PTPRT: variants seen among roughly 807,000 people sequenced by gnomAD.
PTPRT encodes receptor-type tyrosine-protein phosphatase T.
PTPRT carries 56 observed loss-of-function variants against 176.8 expected under a neutral mutation model. The ratio of observed to expected loss-of-function variants is 0.32; its 90% CI spans 0.26 to 0.40. The LOEUF (loss-of-function observed/expected upper bound fraction) is 0.40. Among genes scored for constraint, PTPRT ranks in the 10% least tolerant of loss-of-function variants. The pLI is 1.00. For synonymous variants in PTPRT, 783 were observed against 739.0 expected (o/e 1.06, Z -0.96); for missense variants, 1,540 against 1,908.2 (o/e 0.81, Z 3.60).
At chr20:42,128,937 C>T (rs780419849) in intron 18 of PTPRT, 107 bp from the exon 19 acceptor site, 32 of 869,004 alleles carry the variant, frequency 3.7e-5, no homozygotes, top group Non-Finnish European at 3.9e-5. Flanking sequence ...AGGCATTGTG[C>T]TACTCTCATT....
At chr20:42,566,732 C>A (rs2073046369) in intron 7 of PTPRT, among the ~76,000 whole-genome samples, 1 of 152,124 alleles carries the variant, frequency 6.6e-6, no homozygotes, top group Non-Finnish European at 1.5e-5. Flanking sequence ...ATCCAACATA[C>A]CACACTGAAT....
At chr20:42,983,546 C>A (rs1983394466) in intron 1 of PTPRT, among the ~76,000 whole-genome samples, 2 of 152,200 alleles carry the variant, frequency 1.3e-5, no homozygotes, top group African/African-American at 4.8e-5. Context: ...AGGGACATCT[C>A]CAAGCTGGGC....
At chr20:42,538,076 T>A (rs1044563481) in intron 7 of PTPRT, among the ~76,000 whole-genome samples, 5 of 151,962 alleles carry the variant, frequency 3.3e-5, no homozygotes, top group African/African-American at 1.2e-4. Flanking sequence ...TTAAGTAAGT[T>A]CTATTACAAT....
At chr20:42,667,049 C>T (rs1290486162) in intron 7 of PTPRT, among the ~76,000 whole-genome samples, 2 of 152,208 alleles carry the variant, frequency 1.3e-5, no homozygotes, top group Admixed American at 6.5e-5. Context: ...TACTTTTTAG[C>T]CTCTCTTGAG....
At chr20:43,043,489 A>C (rs1397980564) in intron 1 of PTPRT, among the ~76,000 whole-genome samples, 3 of 152,234 alleles carry the variant, frequency 2.0e-5, no homozygotes, top group African/African-American at 7.2e-5. Context: ...TTCAATCCTC[A>C]TAATCTTTGA....
At chr20:42,381,940 A>T (rs186883229) in intron 9 of PTPRT, among the ~76,000 whole-genome samples, 1 of 152,356 alleles carries the variant, frequency 6.6e-6, no homozygotes, top group African/African-American at 2.4e-5. Context: ...TTATAGAGAA[A>T]GGTGGCAGAG....
intron 12 of PTPRT, among the ~76,000 whole-genome samples, chr20:42,285,181 G>A (rs748798249): frequency 9.9e-5 from 15 of 151,964 alleles, no homozygotes; most frequent in Non-Finnish European, 2.2e-4. Flanking sequence ...AAGAGCTTGA[G>A]ACGGTTAAAT....
intron 7 of PTPRT, among the ~76,000 whole-genome samples, chr20:42,552,940 G>A (rs897304407): frequency 2.0e-5 from 3 of 152,132 alleles, no homozygotes; most frequent in Admixed American, 1.3e-4. Context: ...CTCAGGTACT[G>A]GCAGGCAAGG....
chr20:43,024,046 G>A (rs1985813502), intron 1 of PTPRT, among the ~76,000 whole-genome samples: 1 of 152,132 alleles, frequency 6.6e-6, no homozygotes, highest in African/African-American at 2.4e-5. Context: ...GCCCAACACG[G>A]GGAGCTGGGG....
intron 7 of PTPRT, among the ~76,000 whole-genome samples, chr20:42,582,991 C>A (rs1034162563): frequency 6.6e-6 from 1 of 152,116 alleles, no homozygotes; most frequent in African/African-American, 2.4e-5. Context: ...TCTTTACAGA[C>A]AAAAAATCCA....
At chr20:43,035,176 G>T (rs1303157174) in intron 1 of PTPRT, among the ~76,000 whole-genome samples, 1 of 152,122 alleles carries the variant, frequency 6.6e-6, no homozygotes, top group Non-Finnish European at 1.5e-5. Context: ...CAGCAGTCCA[G>T]ACCAAAGGAG....
At chr20:42,574,829 A>C (rs530616331) in intron 7 of PTPRT, among the ~76,000 whole-genome samples, 1 of 152,244 alleles carries the variant, frequency 6.6e-6, no homozygotes, top group East Asian at 1.9e-4. Context: ...TGTTCTCATG[A>C]TAGTGAGTTC....
intron 8 of PTPRT, among the ~76,000 whole-genome samples, chr20:42,453,284 A>T (rs2070863678): frequency 6.6e-6 from 1 of 152,072 alleles, no homozygotes; most frequent in Non-Finnish European, 1.5e-5. Flanking sequence ...GAGTCCTTTT[A>T]TCCAGTAAAC....
chr20:42,754,146 C>G (rs907222040), intron 6 of PTPRT, among the ~76,000 whole-genome samples: 4 of 152,046 alleles, frequency 2.6e-5, no homozygotes, highest in Non-Finnish European at 4.4e-5. Context: ...TGCAATAACC[C>G]CTGTGTCACA....
intron 1 of PTPRT, among the ~76,000 whole-genome samples, chr20:43,119,679 CT>C (rs1485916557): frequency 6.6e-6 from 1 of 152,182 alleles, no homozygotes; most frequent in African/African-American, 2.4e-5. Context: ...AACATTCATC[CT>C]TTTTATGATT....
At chr20:42,613,712 T>A (rs1482785531) in intron 7 of PTPRT, among the ~76,000 whole-genome samples, 1 of 152,170 alleles carries the variant, frequency 6.6e-6, no homozygotes, top group African/African-American at 2.4e-5. Context: ...CTACTCACAA[T>A]TACAACTGTC....
At chr20:42,987,362 A>C (rs1983653388) in intron 1 of PTPRT, among the ~76,000 whole-genome samples, 1 of 152,218 alleles carries the variant, frequency 6.6e-6, no homozygotes, top group Non-Finnish European at 1.5e-5. Context: ...TCAAGTGCAC[A>C]ATAGCCACCA....
chr20:43,033,843 T>A (rs1986253262), intron 1 of PTPRT, among the ~76,000 whole-genome samples: 1 of 152,140 alleles, frequency 6.6e-6, no homozygotes, highest in African/African-American at 2.4e-5. Flanking sequence ...CTCAAGGTCA[T>A]GCAGCAAGTG....
At chr20:43,141,237 GCCA>G (rs2013993053) in intron 1 of PTPRT, among the ~76,000 whole-genome samples, 1 of 152,116 alleles carries the variant, frequency 6.6e-6, no homozygotes, top group Non-Finnish European at 1.5e-5. Context: ...GCTTCAAATC[GCCA>G]CCACTTATTT....
Sources: gnomAD v4.1 joint callset for allele counts (sites outside exome capture counted in the v4.1 genomes callset) on GRCh38, gnomAD v4.1.1 for gene constraint, MANE v1.5 for transcripts, NCBI Gene and HGNC (gene_info 2026-07-23, HGNC 2026-07-21) for gene names.